FRY: variants seen among roughly 807,000 people sequenced by gnomAD.
The protein encoded by FRY is protein furry homolog.
FRY carries 128 observed loss-of-function variants against 348.4 expected under a neutral mutation model. The ratio of observed to expected loss-of-function variants is 0.37; its 90% CI spans 0.32 to 0.43. The LOEUF (loss-of-function observed/expected upper bound fraction) is 0.43. Ranked by LOEUF, FRY falls within the 20% of genes least tolerant of loss-of-function variation. The pLI, the probability that FRY is intolerant of heterozygous loss-of-function variation, is 1.00. For synonymous variants in FRY, 1,370 were observed against 1,374.7 expected, an observed-to-expected ratio of 1.00 and a Z score of 0.08; for missense variants, 2,736 against 3,695.2, an observed-to-expected ratio of 0.74 and a Z score of 6.73.
Position 32,290,673 on chromosome 13 carries a change from G to A in FRY, c.8580+930G>A, listed in dbSNP as rs139150295. ...TATGCGGAGGGTGGGTCTGATGACAGCTAGAACAGAGACATGGAGACCAGT... is the reference window on the plus strand; with the variant it reads ...TATGCGGAGGGTGGGTCTGATGACAACTAGAACAGAGACATGGAGACCAGT... On this transcript the variant is annotated intron_variant, in intron 59 of 60. Coordinates refer to ENST00000542859, the MANE Select transcript of FRY (RefSeq NM_023037.3). Among the ~76,000 whole-genome samples the A allele has an allele frequency of 3.6e-3, 544 of 152,242 alleles. 6 individuals are homozygous for A. Among genetic ancestry groups the A allele is most frequent in the African/African-American group, 0.013 (524 of 41,540 alleles).
At chr13:32,202,217 TG>T (rs1884072441) in intron 30 of FRY, 138 bp from the exon 31 acceptor site, 1 of 302,064 alleles carries the variant, frequency 3.3e-6, no homozygotes, top group Non-Finnish European at 6.2e-6. Context: ...CTAATTAAAC[TG>T]ATGTTTTACC....
At chr13:32,206,827 T>C (rs1884381329) in intron 31 of FRY, among the ~76,000 whole-genome samples, 1 of 152,224 alleles carries the variant, frequency 6.6e-6, no homozygotes. Flanking sequence ...ATAAACCCTG[T>C]GGTGAAATTT....
intron 2 of FRY, among the ~76,000 whole-genome samples, chr13:32,079,955 T>A (rs188515226): frequency 2.3e-4 from 35 of 152,352 alleles, no homozygotes; most frequent in African/African-American, 7.9e-4. Context: ...TTCTTAAGCC[T>A]GTAATACACA....
intron 31 of FRY, among the ~76,000 whole-genome samples, chr13:32,204,871 T>C (rs1313926437): frequency 6.6e-6 from 1 of 152,158 alleles, no homozygotes; most frequent in East Asian, 1.9e-4. Context: ...GAAATAAAAG[T>C]CTCTCCCATC....
intron 36 of FRY, among the ~76,000 whole-genome samples, chr13:32,220,529 C>T (rs746122302): frequency 2.0e-4 from 31 of 152,210 alleles, no homozygotes; most frequent in Admixed American, 7.9e-4. Flanking sequence ...GCCGTTACTT[C>T]TAGAAGGCAC....
intron 3 of FRY, among the ~76,000 whole-genome samples, chr13:32,111,330 A>C (rs1262465158): frequency 1.3e-5 from 2 of 151,836 alleles, no homozygotes; most frequent in African/African-American, 4.8e-5. Flanking sequence ...TCTACTAAAA[A>C]TACCAAAAAA....
intron 55 of FRY, among the ~76,000 whole-genome samples, chr13:32,270,075 G>T (rs1033023125): frequency 2.0e-4 from 31 of 152,044 alleles, no homozygotes; most frequent in African/African-American, 7.2e-4. Context: ...TAAAAGATAA[G>T]AATTCTAGAA....
At chr13:32,231,419 A>G in intron 41 of FRY, 119 bp downstream of exon 41, 4 of 973,720 alleles carry the variant, frequency 4.1e-6, no homozygotes, top group Non-Finnish European at 6.6e-6. Context: ...TAGCACGAGC[A>G]TATTCACAGG....
chr13:32,077,596 A>G (rs1449806868), intron 1 of FRY, among the ~76,000 whole-genome samples: 1 of 152,202 alleles, frequency 6.6e-6, no homozygotes, highest in Admixed American at 6.5e-5. Flanking sequence ...TCTGTGTAAC[A>G]ATGGGGACAT....
At chr13:32,099,305 A>G (rs978011454) in intron 2 of FRY, among the ~76,000 whole-genome samples, 5 of 152,012 alleles carry the variant, frequency 3.3e-5, no homozygotes, top group Admixed American at 3.3e-4. Context: ...ATGTGTATTC[A>G]TCTAAAATAC....
At chr13:32,097,145 G>A (rs1043827116) in intron 2 of FRY, among the ~76,000 whole-genome samples, 33 of 152,130 alleles carry the variant, frequency 2.2e-4, no homozygotes, top group African/African-American at 7.2e-4. Flanking sequence ...TTCTTTCCCC[G>A]CTGTGGCAGG....
chr13:32,165,341 G>T (rs961642835), intron 17 of FRY, among the ~76,000 whole-genome samples: 5 of 152,160 alleles, frequency 3.3e-5, no homozygotes, highest in Non-Finnish European at 5.9e-5. Context: ...TTAGTTGTTT[G>T]GAGTAGCTGA....
chr13:32,276,610 A>G (rs879170991), intron 57 of FRY, 48 bp downstream of exon 57: 2 of 940,102 alleles, frequency 2.1e-6, no homozygotes, highest in South Asian at 2.6e-5. Context: ...AAACCAAATG[A>G]ACCCAACCAC....
chr13:32,264,524 G>T (rs1887822785), intron 53 of FRY, among the ~76,000 whole-genome samples: 1 of 152,128 alleles, frequency 6.6e-6, no homozygotes, highest in Non-Finnish European at 1.5e-5. Context: ...ACTGTAACAT[G>T]TACATCTTTC....
At chr13:32,138,900 A>T (rs1879885972) in intron 11 of FRY, among the ~76,000 whole-genome samples, 1 of 152,256 alleles carries the variant, frequency 6.6e-6, no homozygotes, top group Non-Finnish European at 1.5e-5. Flanking sequence ...TGTAAAAGGT[A>T]GGAGCAGGGA....
chr13:32,057,146 GTTACA>G, intron 1 of FRY, among the ~76,000 whole-genome samples: 1 of 151,720 alleles, frequency 6.6e-6, no homozygotes, highest in Non-Finnish European at 1.5e-5. Context: ...AGTCCAGTAG[GTTACA>G]TTTATTTTTA....
chr13:32,152,177 C>T (rs1417543154), intron 14 of FRY, among the ~76,000 whole-genome samples: 2 of 152,028 alleles, frequency 1.3e-5, no homozygotes, highest in Non-Finnish European at 2.9e-5. Flanking sequence ...GTCAGTTGTC[C>T]CCAAATTGAT....
chr13:32,101,959 C>T lies in FRY; in HGVS notation c.271-4C>T, dbSNP rs12428144. 70,005 of 1,451,224 alleles carry T rather than the reference C, an allele frequency of 0.048. 3,216 individuals carry two copies. Among genetic ancestry groups the T allele is most frequent in the East Asian group, 0.26 (11,471 of 44,094 alleles). 89.9% of individuals were successfully genotyped at this position (1,451,224 alleles called of 1,614,324 possible). A position where few individuals can be genotyped will look rare whatever the true frequency, so the allele number is the denominator to read the frequency against. Reference sequence around the variant, plus strand: ...ATTCTTGCATATATTCTTTTTCTTTCTAGGAAAAGCCATTGACAAAATCTC... The same window carrying T: ...ATTCTTGCATATATTCTTTTTCTTTTTAGGAAAAGCCATTGACAAAATCTC... On this transcript the variant is annotated splice_region_variant and splice_polypyrimidine_tract_variant and intron_variant, in intron 2 of 60. Coordinates refer to ENST00000542859, the MANE Select transcript of FRY (RefSeq NM_023037.3).
At position 32,208,951 on chromosome 13, in the gene FRY, A is replaced by C; in HGVS notation, c.4117A>C (p.Arg1373=). 1 of 1,614,184 alleles carries C rather than the reference A, an allele frequency of 6.2e-7. No homozygotes were observed. The highest frequency in any genetic ancestry group is 1.1e-5 in the South Asian group (1 of 91,082). The part of the protein sequence containing the change: ...WLHNIELVDS[R]LLLPGSSPSS... ...GCACAACATCGAGCTGGTGGACAGC[A>C]GGCTCCTCCTCCCGGGGTCGAGCCC... Residue 1373 remains arginine, a synonymous_variant, in exon 32 of 61, where the codon AGG becomes CGG. Coordinates refer to ENST00000542859, the MANE Select transcript of FRY (RefSeq NM_023037.3).
Sources: gnomAD v4.1 joint callset for allele counts (sites outside exome capture counted in the v4.1 genomes callset) on GRCh38, gnomAD v4.1.1 for gene constraint, MANE v1.5 for transcripts, NCBI Gene and HGNC (gene_info 2026-07-23, HGNC 2026-07-21) for gene names.